CELF2: variants seen among roughly 807,000 people sequenced by gnomAD.
CELF2 encodes CUGBP Elav-like family member 2, also known as CUG triplet repeat RNA-binding protein 2.
A neutral mutation model predicts 62.6 loss-of-function variants in CELF2; 8 were observed. That is an observed-to-expected ratio of 0.13 (90% CI 0.07 to 0.23). The LOEUF is 0.23. CELF2 is among the 10% of genes least tolerant of loss of function. CELF2 has a pLI of 1.00. For missense variants in CELF2, 333 were observed against 671.0 expected, an observed-to-expected ratio of 0.50 and a Z score of 5.56; for synonymous variants, 258 against 250.0, an observed-to-expected ratio of 1.03 and a Z score of -0.30.
At position 10,997,171 on chromosome 10, in the gene CELF2, A is replaced by G. The variant is rs1015092583; in HGVS notation, c.89+77172A>G. Among the ~76,000 whole-genome samples the G allele has an allele frequency of 1.3e-5, 2 of 152,162 alleles. No homozygotes were observed. Among genetic ancestry groups the G allele is most frequent in the Non-Finnish European group, 2.9e-5 (2 of 68,030 alleles). ...CAGCTTGGGCCGTTTTTAATCTGCC[A>G]GGCCCTTGTGTTTCCTCATTTGTGT... On this transcript the variant is annotated intron_variant, in intron 2 of 13. Coordinates refer to the CELF2 transcript ENST00000636488. This position sits in a 1 kb window ranked among gnomAD's most constrained non-coding sequence, Gnocchi z 5.3.
chr10:10,674,021 T>C, the CELF2 span, among the ~76,000 whole-genome samples: 2 of 152,352 alleles, frequency 1.3e-5, no homozygotes, highest in African/African-American at 2.4e-5. Flanking sequence ...AAGTAATTTA[T>C]AGATGTCCAT....
intron 1 of CELF2, among the ~76,000 whole-genome samples, chr10:11,023,300 A>C (rs2058646322): frequency 6.6e-6 from 1 of 152,232 alleles, no homozygotes; most frequent in African/African-American, 2.4e-5. Context: ...AGCCAGTATC[A>C]GTGGTGTGCT....
intron 1 of CELF2, among the ~76,000 whole-genome samples, chr10:11,093,679 A>G (rs371637971): frequency 1.3e-5 from 2 of 152,190 alleles, no homozygotes; most frequent in South Asian, 2.1e-4. Context: ...TTCATCAGGG[A>G]GCAGTTTTTT....
chr10:10,525,608 C>A, the CELF2 span, among the ~76,000 whole-genome samples: 1,476 of 152,176 alleles, frequency 9.7e-3, 21 homozygotes, highest in African/African-American at 0.033. Flanking sequence ...CTTTCTTTGC[C>A]TGGCTTATTT....
chr10:10,649,748 A>T, the CELF2 span, among the ~76,000 whole-genome samples: 31 of 152,190 alleles, frequency 2.0e-4, no homozygotes, highest in Non-Finnish European at 4.0e-4. Context: ...TGGTTTCTGG[A>T]GACAGACATC....
At chr10:10,975,016 T>G (rs1323064522) in intron 2 of CELF2, among the ~76,000 whole-genome samples, 4 of 152,186 alleles carry the variant, frequency 2.6e-5, no homozygotes, top group Middle Eastern at 3.2e-3. Flanking sequence ...TGACATCAAT[T>G]CTTAGTTTTC....
the CELF2 span, among the ~76,000 whole-genome samples, chr10:10,501,034 C>A: frequency 6.6e-6 from 1 of 152,144 alleles, no homozygotes; most frequent in Non-Finnish European, 1.5e-5. Flanking sequence ...TGACAAACAT[C>A]TGAGTGGTTT....
At chr10:10,916,627 T>C (rs1005903733) in intron 1 of CELF2, among the ~76,000 whole-genome samples, 1 of 152,242 alleles carries the variant, frequency 6.6e-6, no homozygotes, top group African/African-American at 2.4e-5. Flanking sequence ...GTTGTTGTTG[T>C]TTTGAGACAG....
At chr10:10,604,497 G>A in the CELF2 span, among the ~76,000 whole-genome samples, 39 of 152,204 alleles carry the variant, frequency 2.6e-4, no homozygotes, top group African/African-American at 9.2e-4. Flanking sequence ...ATAGGCTATG[G>A]TGAGTAAGCC....
At position 10,966,222 on chromosome 10, in the gene CELF2, C is replaced by T. The variant is rs550480930; in HGVS notation, c.89+46223C>T. ...GAATGTGTATCTTGCATAGTCCTGC[C>T]TCCTACAAAGCCCACTCACACAACC... On this transcript the variant is annotated intron_variant, in intron 2 of 13. Transcript: ENST00000636488. Among the ~76,000 whole-genome samples, 17 of 152,308 alleles carry T rather than the reference C, an allele frequency of 1.1e-4. No homozygotes were observed. In the East Asian group the frequency reaches 2.3e-3, roughly 21 times the overall value.
chr10:10,513,048 T>C, the CELF2 span, among the ~76,000 whole-genome samples: 1 of 152,164 alleles, frequency 6.6e-6, no homozygotes, highest in South Asian at 2.1e-4. Flanking sequence ...TGCACAAGGC[T>C]GTTCGGATCA....
intron 1 of CELF2, among the ~76,000 whole-genome samples, chr10:11,059,534 G>A (rs550054491): frequency 6.6e-6 from 1 of 152,352 alleles, no homozygotes; most frequent in East Asian, 1.9e-4. Context: ...ATTCTGGTGA[G>A]ATGGTGAAAA....
intron 7 of CELF2, among the ~76,000 whole-genome samples, chr10:11,272,661 C>T (rs1005402289): frequency 1.3e-5 from 2 of 152,226 alleles, no homozygotes; most frequent in Admixed American, 1.3e-4. Context: ...TAGAAGTTCT[C>T]ACTACGTTTC....
intron 1 of CELF2, among the ~76,000 whole-genome samples, chr10:10,800,010 C>G (rs1590479137): frequency 6.6e-6 from 1 of 152,156 alleles, no homozygotes; most frequent in Non-Finnish European, 1.5e-5. Flanking sequence ...GCGGACGTTA[C>G]TGGAACTTCT....
intron 1 of CELF2, among the ~76,000 whole-genome samples, chr10:10,913,338 T>C (rs1468246276): frequency 6.7e-6 from 1 of 150,210 alleles, no homozygotes; most frequent in Admixed American, 6.6e-5. Context: ...AGAAAAAAAA[T>C]TAACTGTCCT....
At chr10:10,819,733 G>A (rs1015324439) in intron 1 of CELF2, among the ~76,000 whole-genome samples, 1 of 152,202 alleles carries the variant, frequency 6.6e-6, no homozygotes, top group African/African-American at 2.4e-5. Context: ...AGGGCTGACT[G>A]GAGCTTGCAG....
chr10:10,942,456 C>A (rs571848950), intron 2 of CELF2, among the ~76,000 whole-genome samples: 3 of 152,330 alleles, frequency 2.0e-5, no homozygotes, highest in Admixed American at 2.0e-4. Context: ...TAGTCCCTGC[C>A]TTTCTGTTGC....
At position 11,321,209 on chromosome 10, in the gene CELF2, A is replaced by C; in HGVS notation, c.1117A>C (p.Met373Leu). The C allele has an allele frequency of 6.2e-7, 1 of 1,614,156 alleles. No homozygotes were observed. The change falls in exon 11 of 13, where the codon ATG (methionine) becomes CTG (leucine). Residue 373 changes from methionine (M) to leucine (L), a missense_variant. Coordinates refer to ENST00000633077, the MANE Select transcript of CELF2 (RefSeq NM_001326342.2). This position sits in a 1 kb window ranked among gnomAD's most constrained non-coding sequence, Gnocchi z 6.2. ...TAAAGTTGCTCAAATGCTCTCAGGT[A>C]TGGCGGCTCTGAATGGAGGACTTGG... ...ALAVAQMLSG[M>L]AALNGGLGAT... is the part of the protein sequence containing the mutation.
intron 2 of CELF2, among the ~76,000 whole-genome samples, chr10:10,992,142 C>G (rs1169062448): frequency 6.6e-6 from 1 of 152,192 alleles, no homozygotes; most frequent in African/African-American, 2.4e-5. Flanking sequence ...ACAAATTATT[C>G]CACAGTGCAG....
Sources: allele counts gnomAD v4.1 joint callset (sites outside exome capture counted in the v4.1 genomes callset), GRCh38; gene constraint gnomAD v4.1.1; non-coding constraint Gnocchi (gnomAD v3.1); transcripts MANE v1.5; gene names NCBI Gene and HGNC (gene_info 2026-07-23, HGNC 2026-07-21).